Variants in TAFA1 observed in about 807,000 individuals in gnomAD.
TAFA1 encodes chemokine-like protein TAFA-1.
TAFA1 carries 4 observed loss-of-function variants against 18.5 expected under a neutral mutation model. The observed-to-expected ratio is 0.22, with a 90% CI of 0.11 to 0.49. The LOEUF (loss-of-function observed/expected upper bound fraction) is 0.49, where lower values mean the gene tolerates loss of function less well. Among genes scored for constraint, TAFA1 ranks in the 20% least tolerant of loss-of-function variants. The pLI, the probability that TAFA1 is intolerant of heterozygous loss-of-function variation, is 0.98. For missense variants in TAFA1, 147 were observed against 169.0 expected, an observed-to-expected ratio of 0.87 and a Z score of 0.72; for synonymous variants, 56 against 55.2, an observed-to-expected ratio of 1.01 and a Z score of -0.06.
intron 2 of TAFA1, among the ~76,000 whole-genome samples, chr3:68,366,134 A>T (rs2069569589): frequency 6.7e-6 from 1 of 150,372 alleles, no homozygotes. Flanking sequence ...AGACTTATTC[A>T]CTACCATGAA....
At chr3:68,512,232 A>G (rs1307836426) in intron 3 of TAFA1, among the ~76,000 whole-genome samples, 1 of 152,146 alleles carries the variant, frequency 6.6e-6, no homozygotes, top group African/African-American at 2.4e-5. Flanking sequence ...GTCTTTCATC[A>G]TTTAGTGGAC....
chr3:68,433,930 T>A (rs1179559984), intron 3 of TAFA1, among the ~76,000 whole-genome samples: 1 of 152,104 alleles, frequency 6.6e-6, no homozygotes, highest in African/African-American at 2.4e-5. Flanking sequence ...CAGGAACAAT[T>A]CCCAGACTTA....
chr3:68,417,007 G>C (rs761639929), intron 2 of TAFA1, among the ~76,000 whole-genome samples: 25 of 152,186 alleles, frequency 1.6e-4, no homozygotes, highest in Middle Eastern at 3.4e-3. Context: ...GTTAGTTGCA[G>C]GCATTCATTG....
At chr3:68,255,630 A>G (rs373369639) in intron 2 of TAFA1, among the ~76,000 whole-genome samples, 12 of 152,264 alleles carry the variant, frequency 7.9e-5, no homozygotes, top group Admixed American at 2.0e-4. Context: ...TCACTAATAG[A>G]AAACCAAAGC....
At chr3:68,332,261 A>G (rs540497888) in intron 2 of TAFA1, among the ~76,000 whole-genome samples, 9 of 152,252 alleles carry the variant, frequency 5.9e-5, no homozygotes, top group African/African-American at 1.7e-4. Context: ...CATAGAAATC[A>G]ATTCCAAATG....
At chr3:68,471,173 C>T (rs1397160482) in intron 3 of TAFA1, among the ~76,000 whole-genome samples, 2 of 152,304 alleles carry the variant, frequency 1.3e-5, no homozygotes, top group South Asian at 4.1e-4. Context: ...GGGACCTCCA[C>T]CTAGATTTCA....
At chr3:68,480,117 G>A (rs1191492749) in intron 3 of TAFA1, among the ~76,000 whole-genome samples, 1 of 151,992 alleles carries the variant, frequency 6.6e-6, no homozygotes, top group African/African-American at 2.4e-5. Flanking sequence ...GGTTGGCTGG[G>A]CGCAGTGGCT....
intron 2 of TAFA1, among the ~76,000 whole-genome samples, chr3:68,399,238 C>CA (rs2070441074): frequency 1.3e-5 from 2 of 152,216 alleles, no homozygotes; most frequent in Admixed American, 6.5e-5. Context: ...TTACAAAGCT[C>CA]AAAGAGTTTA....
intron 2 of TAFA1, among the ~76,000 whole-genome samples, chr3:68,398,463 A>T (rs551901714): frequency 6.6e-6 from 1 of 152,272 alleles, no homozygotes; most frequent in South Asian, 2.1e-4. Context: ...AAACCATAAA[A>T]ACCCTAGAAG....
intron 2 of TAFA1, among the ~76,000 whole-genome samples, chr3:68,072,015 A>G (rs148923074): frequency 1.3e-5 from 2 of 152,372 alleles, no homozygotes; most frequent in African/African-American, 4.8e-5. Flanking sequence ...ATCACCATCT[A>G]TAAAATGAGA....
At chr3:68,237,513 G>T (rs1441927562) in intron 2 of TAFA1, among the ~76,000 whole-genome samples, 2 of 152,092 alleles carry the variant, frequency 1.3e-5, no homozygotes, top group African/African-American at 4.8e-5. Flanking sequence ...GCACACATCA[G>T]GTACAAATGG....
At chr3:68,190,691 A>G (rs1397127466) in intron 2 of TAFA1, among the ~76,000 whole-genome samples, 1 of 151,840 alleles carries the variant, frequency 6.6e-6, no homozygotes, top group Non-Finnish European at 1.5e-5. Flanking sequence ...ATGGCGGTAA[A>G]TAAAGGTATG....
intron 2 of TAFA1, among the ~76,000 whole-genome samples, chr3:68,274,648 A>T (rs2067757806): frequency 6.6e-6 from 1 of 152,150 alleles, no homozygotes; most frequent in Non-Finnish European, 1.5e-5. Flanking sequence ...AGCACCCATA[A>T]ATCAAATCAT....
rs2073317461 is a variant in TAFA1 at position 68,538,767 on chromosome 3, A to T, written c.271A>T (p.Ile91Phe). Residue 91 changes from isoleucine to phenylalanine, a missense_variant, in exon 4 of 5, where the codon ATT becomes TTT. Ile to Phe is a conservative substitution (Grantham distance 21). Transcript: ENST00000478136. ...RPSCVDASIV[I>F]GKWWCEMEPC... ...CTGTTTCTGCACAGCCTCCATAGTG[A>T]TTGGGAAATGGTGGTGTGAGATGGA... 1 of 1,613,378 alleles carries T rather than the reference A, an allele frequency of 6.2e-7. No individual in the cohort carries two copies. The highest frequency in any genetic ancestry group is 1.3e-5 in the African/African-American group (1 of 74,868).
chr3:68,282,033 T>A (rs1324450479), intron 2 of TAFA1, among the ~76,000 whole-genome samples: 5 of 152,104 alleles, frequency 3.3e-5, no homozygotes, highest in African/African-American at 1.2e-4. Context: ...GAAGCAAACA[T>A]GTCCTTCTTC....
At chr3:68,357,027 A>T (rs1159824710) in intron 2 of TAFA1, among the ~76,000 whole-genome samples, 1 of 151,906 alleles carries the variant, frequency 6.6e-6, no homozygotes, top group Non-Finnish European at 1.5e-5. Flanking sequence ...TTTAAGGTTG[A>T]TGTCACTATG....
intron 2 of TAFA1, among the ~76,000 whole-genome samples, chr3:68,372,567 T>C (rs769013277): frequency 6.6e-6 from 1 of 152,132 alleles, no homozygotes; most frequent in Non-Finnish European, 1.5e-5. Flanking sequence ...GTTAATCACA[T>C]GACAAATAGC....
chr3:68,419,046 G>A (rs1458854551), intron 3 of TAFA1, among the ~76,000 whole-genome samples: 1 of 152,150 alleles, frequency 6.6e-6, no homozygotes. Context: ...GCTGTTGGGA[G>A]GTGGTCTTGT....
intron 2 of TAFA1, among the ~76,000 whole-genome samples, chr3:68,223,841 C>T (rs1014062672): frequency 6.6e-5 from 10 of 152,018 alleles, no homozygotes; most frequent in South Asian, 2.1e-4. Context: ...CTGATCAATG[C>T]CTTCTGGGAA....
Sources: allele counts gnomAD v4.1 joint callset (sites outside exome capture counted in the v4.1 genomes callset), GRCh38; gene constraint gnomAD v4.1.1; transcripts MANE v1.5; gene names NCBI Gene and HGNC (gene_info 2026-07-23, HGNC 2026-07-21).